DCUN1D5: variants seen among roughly 807,000 people sequenced by gnomAD.
The protein encoded by DCUN1D5 is DCN1-like protein 5.
DCUN1D5 carries 10 observed loss-of-function variants against 38.3 expected under a neutral mutation model. The observed-to-expected ratio is 0.26, with a 90% CI of 0.16 to 0.44. The LOEUF is 0.44. Among genes scored for constraint, DCUN1D5 ranks in the 20% least tolerant of loss-of-function variants. The pLI is 1.00. For missense variants in DCUN1D5, 148 were observed against 275.3 expected (o/e 0.54, Z 3.27); for synonymous variants, 93 against 90.9 (o/e 1.02, Z -0.13).
intron 4 of DCUN1D5, 49 bp downstream of exon 4, chr11:103,082,699 A>C (rs1358742171): frequency 9.1e-6 from 11 of 1,202,316 alleles, no homozygotes; most frequent in Non-Finnish European, 1.3e-5. Context: ...AATATCAATT[A>C]AGATCTTCAA....
Position 103,062,279 on chromosome 11 carries a change from TG to T in DCUN1D5, c.*79del. 1.5e-6 allele frequency: 2 copies of T among 1,356,424 alleles called. No individual in the cohort carries two copies. Among genetic ancestry groups the T allele is most frequent in the Non-Finnish European group, 2.1e-6 (2 of 958,496 alleles). 84.0% of individuals were successfully genotyped at this position (1,356,424 alleles called of 1,614,324 possible). ...TTCATATGAATGAAAATGCACCCGT[TG>T]GATTTTTTTCCCCCTCATCACATTA... On this transcript the variant is annotated 3_prime_UTR_variant, in exon 8 of 8. Coordinates refer to ENST00000260247, the MANE Select transcript of DCUN1D5 (RefSeq NM_032299.4). The surrounding 1 kb of genome is among the most constrained non-coding windows in gnomAD (Gnocchi z 4.6).
chr11:103,082,046 C>G (rs1355009302), intron 4 of DCUN1D5, among the ~76,000 whole-genome samples: 1 of 152,064 alleles, frequency 6.6e-6, no homozygotes, highest in Non-Finnish European at 1.5e-5. Flanking sequence ...AACTAATACC[C>G]TGCAGAAACA....
intron 1 of DCUN1D5, 76 bp from the exon 2 acceptor site, chr11:103,089,394 A>C: frequency 2.4e-6 from 3 of 1,265,820 alleles, no homozygotes; most frequent in Non-Finnish European, 3.3e-6. Flanking sequence ...AAAATTAACA[A>C]CTTCCATTCA....
At chr11:103,067,872 C>T (rs1023637191) in intron 4 of DCUN1D5, among the ~76,000 whole-genome samples, 1 of 152,120 alleles carries the variant, frequency 6.6e-6, no homozygotes, top group African/African-American at 2.4e-5. Context: ...GATTGTAGTA[C>T]ATAAGACTCA....
At chr11:103,084,509 G>A (rs1862648120) in intron 2 of DCUN1D5, among the ~76,000 whole-genome samples, 1 of 152,114 alleles carries the variant, frequency 6.6e-6, no homozygotes, top group Non-Finnish European at 1.5e-5. Flanking sequence ...ATGCACTCGT[G>A]TTAAAAGGTG....
chr11:103,062,256 C>CAT lies in DCUN1D5; in HGVS notation c.*101_*102dup. ...AAAAAAAGTACTATGAGAAGTCTTTCATATGAATGAAAATGCACCCGTTGG... is the reference window on the plus strand; with the variant it reads ...AAAAAAAGTACTATGAGAAGTCTTTCATATATGAATGAAAATGCACCCGTTGG... On this transcript the variant is annotated 3_prime_UTR_variant, in exon 8 of 8. Transcript: ENST00000260247. This position sits in a 1 kb window ranked among gnomAD's most constrained non-coding sequence, Gnocchi z 4.6. The CAT allele has an allele frequency of 8.8e-7, 1 of 1,132,218 alleles. No individual in the cohort carries two copies. The allele number at this position is 1,132,218 out of a possible 1,614,324, so 70.1% of individuals were successfully genotyped here.
In DCUN1D5 at chr11:103,051,864, G is replaced by C. The variant is rs1861747250; in HGVS notation, c.*10495C>G. 1.3e-5 allele frequency: 2 copies of C among 152,136 alleles called. No individual in the cohort carries two copies. Among genetic ancestry groups the C allele is most frequent in the African/African-American group, 4.8e-5 (2 of 41,408 alleles). 9.4% of individuals were successfully genotyped at this position (152,136 alleles called of 1,614,324 possible). A position where few individuals can be genotyped will look rare whatever the true frequency, so the allele number is the denominator to read the frequency against. On this transcript the variant is annotated 3_prime_UTR_variant, in exon 8 of 8. Coordinates refer to ENST00000260247, the MANE Select transcript of DCUN1D5 (RefSeq NM_032299.4). ...TTCCTTACTAGTCTCCCTGTCCTCA[G>C]ATTTTCCTGCTGCCTAATTAATGTT...
rs1281676251 is a variant in DCUN1D5, at chr11:103,054,952, T to C, written c.*7407A>G. ...AATTGAGATTGAATGTAGGTGCAGG[T>C]TGAATATCTCTTATCCAAAATGCTT... On this transcript the variant is annotated 3_prime_UTR_variant, in exon 8 of 8. Coordinates refer to ENST00000260247, the MANE Select transcript of DCUN1D5 (RefSeq NM_032299.4). The C allele has an allele frequency of 6.6e-6, 1 of 152,112 alleles. No individual in the cohort carries two copies. Among genetic ancestry groups the C allele is most frequent in the Non-Finnish European group, 1.5e-5 (1 of 68,004 alleles). 9.4% of individuals were successfully genotyped at this position (152,112 alleles called of 1,614,324 possible).
chr11:103,088,945 T>C (rs915279579), intron 2 of DCUN1D5, among the ~76,000 whole-genome samples: 1 of 149,046 alleles, frequency 6.7e-6, no homozygotes, highest in African/African-American at 2.5e-5. Context: ...AGAATACTAC[T>C]TTAGCCAATA....
Position 103,053,079 on chromosome 11 carries a change from C to A in DCUN1D5, c.*9280G>T, listed in dbSNP as rs1315040197. 6.6e-6 allele frequency: 1 copy of A among 151,954 alleles called. No homozygotes were observed. Among genetic ancestry groups the A allele is most frequent in the Non-Finnish European group, 1.5e-5 (1 of 67,942 alleles). 9.4% of individuals were successfully genotyped at this position (151,954 alleles called of 1,614,324 possible). A position where few individuals can be genotyped will look rare whatever the true frequency, so the allele number is the denominator to read the frequency against. ...GTCCTGCTACTTAATTAAAAAAAAA[C>A]TGATTTAAGAGACTCAATGTAATAA... On this transcript the variant is annotated 3_prime_UTR_variant, in exon 8 of 8. Transcript: ENST00000260247. This position sits in a 1 kb window ranked among gnomAD's most constrained non-coding sequence, Gnocchi z 4.8.
intron 1 of DCUN1D5, among the ~76,000 whole-genome samples, chr11:103,090,765 A>T (rs889212244): frequency 6.6e-6 from 1 of 152,140 alleles, no homozygotes; most frequent in African/African-American, 2.4e-5. Flanking sequence ...ACAAAAAATT[A>T]GCAGGGCGTG....
At position 103,091,459 on chromosome 11, in the gene DCUN1D5, A is replaced by AG. The variant is rs1265587686; in HGVS notation, c.86+327dup. The AG allele has an allele frequency of 4.7e-6, 1 of 213,978 alleles. No homozygotes were observed. The highest frequency in any genetic ancestry group is 1.2e-4 in the East Asian group (1 of 8,062). 13.3% of individuals were successfully genotyped at this position (213,978 alleles called of 1,614,324 possible). On this transcript the variant is annotated intron_variant, in intron 1 of 7. Coordinates refer to ENST00000260247, the MANE Select transcript of DCUN1D5 (RefSeq NM_032299.4). This position sits in a 1 kb window ranked among gnomAD's most constrained non-coding sequence, Gnocchi z 4.3. ...AAAGGCAGAGGAGCGATACGGGAGT[A>AG]GGGGATCGAGGGTCGGTTGTGGGGT...
In DCUN1D5 at chr11:103,058,393, A is replaced by T. The variant is rs1171898410; in HGVS notation, c.*3966T>A. 6.6e-6 allele frequency among the ~76,000 whole-genome samples: 1 copy of T among 152,240 alleles called. No individual in the cohort carries two copies. Among genetic ancestry groups the T allele is most frequent in the Non-Finnish European group, 1.5e-5 (1 of 68,036 alleles). ...CAGTTTTAAGACTGTTTTTAAAAAC[A>T]TAAATAAATTGTGCTTTAAAAGATC... On this transcript the variant is annotated 3_prime_UTR_variant, in exon 8 of 8. Transcript: ENST00000260247.
At position 103,057,044 on chromosome 11, in the gene DCUN1D5, G is replaced by T. The variant is rs1051142098; in HGVS notation, c.*5315C>A. On this transcript the variant is annotated 3_prime_UTR_variant, in exon 8 of 8. Transcript: ENST00000260247. This position sits in a 1 kb window ranked among gnomAD's most constrained non-coding sequence, Gnocchi z 4.8. The stretch of plus-strand genomic sequence containing the variant: ...GTCACAAAAAGAAAATCAAACTCAG[G>T]TTTCTCAGATAATACTTCTATAAAC... Among the ~76,000 whole-genome samples, 3 of 152,094 alleles carry T rather than the reference G, an allele frequency of 2.0e-5. No homozygotes were observed. The highest frequency in any genetic ancestry group is 2.9e-5 in the Non-Finnish European group (2 of 68,018).
At position 103,060,763 on chromosome 11, in the gene DCUN1D5, T is replaced by G. The variant is rs1202657814; in HGVS notation, c.*1596A>C. Among the ~76,000 whole-genome samples, 2 of 152,198 alleles carry G rather than the reference T, an allele frequency of 1.3e-5. No homozygotes were observed. The highest frequency in any genetic ancestry group is 2.9e-5 in the Non-Finnish European group (2 of 68,022). ...GAATTTAACAAAAGTGGATATGTTC[T>G]TCAGTTCAGATGTGCCTTGAAGAGT... is the stretch of plus-strand genomic sequence containing the variant. On this transcript the variant is annotated 3_prime_UTR_variant, in exon 8 of 8. Transcript: ENST00000260247.
In DCUN1D5 at chr11:103,064,202, T is replaced by G; in HGVS notation, c.658+73A>C. 1 of 1,155,252 alleles carries G rather than the reference T, an allele frequency of 8.7e-7. No individual in the cohort carries two copies. The highest frequency in any genetic ancestry group is 1.9e-5 in the Admixed American group (1 of 53,266). The allele number at this position is 1,155,252 out of a possible 1,614,324, so 71.6% of individuals were successfully genotyped here. A position where few individuals can be genotyped will look rare whatever the true frequency, so the allele number is the denominator to read the frequency against. On this transcript the variant is annotated intron_variant, in intron 7 of 7. Coordinates refer to ENST00000260247, the MANE Select transcript of DCUN1D5 (RefSeq NM_032299.4). The surrounding 1 kb of genome is among the most constrained non-coding windows in gnomAD (Gnocchi z 4.5). ...AAGTTTAAAACCTCTATGCTAATAC[T>G]ACACAAATGCATACTCTCATTTAAT...
chr11:103,091,493 G>A lies in DCUN1D5; in HGVS notation c.86+294C>T. Reference sequence around the variant, plus strand: ...AGGGTCGGTTGTGGGGTGGGGGTGGGGGTGGGGGGAAGCGCAATTTACATA... The same window carrying A: ...AGGGTCGGTTGTGGGGTGGGGGTGGAGGTGGGGGGAAGCGCAATTTACATA... On this transcript the variant is annotated intron_variant, in intron 1 of 7. Coordinates refer to ENST00000260247, the MANE Select transcript of DCUN1D5 (RefSeq NM_032299.4). The surrounding 1 kb of genome is among the most constrained non-coding windows in gnomAD (Gnocchi z 4.3). 1 of 376,192 alleles carries A rather than the reference G, an allele frequency of 2.7e-6. No individual in the cohort carries two copies. The highest frequency in any genetic ancestry group is 2.4e-5 in the South Asian group (1 of 41,806). 23.3% of individuals were successfully genotyped at this position (376,192 alleles called of 1,614,324 possible).
At position 103,066,045 on chromosome 11, in the gene DCUN1D5, A is replaced by G. The variant is rs1862125644; in HGVS notation, c.555+224T>C. Among the ~76,000 whole-genome samples, 1 of 151,764 alleles carries G rather than the reference A, an allele frequency of 6.6e-6. No homozygotes were observed. Among genetic ancestry groups the G allele is most frequent in the Non-Finnish European group, 1.5e-5 (1 of 67,922 alleles). On this transcript the variant is annotated intron_variant, in intron 6 of 7. Coordinates refer to ENST00000260247, the MANE Select transcript of DCUN1D5 (RefSeq NM_032299.4). This position sits in a 1 kb window ranked among gnomAD's most constrained non-coding sequence, Gnocchi z 4.7. ...AATGTATTTCTTGGAGGTTTCTTTT[A>G]TTTGGGGGACTGGGGGGGTAGGATT...
At position 103,088,347 on chromosome 11, in the gene DCUN1D5, G is replaced by GA. The variant is rs1862766159; in HGVS notation, c.178+879dup. 2.6e-5 allele frequency among the ~76,000 whole-genome samples: 4 copies of GA among 151,938 alleles called. No individual in the cohort carries two copies. In the South Asian group the frequency reaches 8.3e-4, roughly 32 times the overall value. On this transcript the variant is annotated intron_variant, in intron 2 of 7. Transcript: ENST00000260247. Reference sequence around the variant, plus strand: ...AGGTTAAAAAAAAGGAAAAGGAAAAGAAAAAAGCTTTAAAATCAATAACTC... The same window carrying GA: ...AGGTTAAAAAAAAGGAAAAGGAAAAGAAAAAAAGCTTTAAAATCAATAACTC...
Sources: gnomAD v4.1 joint callset for allele counts (sites outside exome capture counted in the v4.1 genomes callset) on GRCh38, gnomAD v4.1.1 for gene constraint, Gnocchi (gnomAD v3.1) non-coding constraint, MANE v1.5 for transcripts, NCBI Gene and HGNC (gene_info 2026-07-23, HGNC 2026-07-21) for gene names.